Variants in KCNIP1 observed in about 807,000 individuals in gnomAD.
The protein encoded by KCNIP1 is potassium voltage-gated channel interacting protein 1, also known as A-type potassium channel modulatory protein KCNIP1.
In KCNIP1, 18 loss-of-function variants were observed where a neutral mutation model predicts 33.0. That is an observed-to-expected ratio of 0.55 (90% CI 0.38 to 0.81). The LOEUF (loss-of-function observed/expected upper bound fraction) is 0.81, where lower values mean the gene tolerates loss of function less well. Ranked by LOEUF, KCNIP1 falls within the 30% of genes least tolerant of loss-of-function variation. KCNIP1 has a pLI of 0.00. For missense variants in KCNIP1, 238 were observed against 271.6 expected (o/e 0.88, Z 0.87); for synonymous variants, 93 against 98.3 (o/e 0.95, Z 0.32).
At chr5:170,503,187 C>T (rs1757451306), upstream of KCNIP1, among the ~76,000 whole-genome samples, 1 of 151,932 alleles carries the variant, frequency 6.6e-6, no homozygotes, top group African/African-American at 2.4e-5. Flanking sequence ...GTCAGGAGTT[C>T]AAGCCCAGCC....
chr5:170,517,450 T>C (rs978503706), intron 1 of KCNIP1, among the ~76,000 whole-genome samples: 6 of 152,178 alleles, frequency 3.9e-5, no homozygotes, highest in Admixed American at 2.0e-4. Context: ...GCAGAGGTGT[T>C]GGTGACAGTA....
At chr5:170,474,550 C>T (rs58695233) in intron 1 of KCNIP1, among the ~76,000 whole-genome samples, 12,233 of 152,234 alleles carry the variant, frequency 0.08, 580 homozygotes, top group East Asian at 0.26. Context: ...TTCCATTTAT[C>T]GAGCACCTAG....
chr5:170,365,305 G>T (rs17072586), intron 1 of KCNIP1, among the ~76,000 whole-genome samples: 27,149 of 152,078 alleles, frequency 0.18, 2,712 homozygotes, highest in African/African-American at 0.27. Flanking sequence ...CCCTTTAAAG[G>T]TTCCAGTTCT....
chr5:170,625,710 C>T (rs1759795556), intron 1 of KCNIP1, among the ~76,000 whole-genome samples: 1 of 152,156 alleles, frequency 6.6e-6, no homozygotes, highest in African/African-American at 2.4e-5. Flanking sequence ...ATTCATTATC[C>T]CCAGGTTGCA....
At chr5:170,671,653 T>C (rs1020198171) in intron 1 of KCNIP1, among the ~76,000 whole-genome samples, 1 of 152,236 alleles carries the variant, frequency 6.6e-6, no homozygotes, top group Non-Finnish European at 1.5e-5. Flanking sequence ...ATTAGAATCA[T>C]TGATTTTTAA....
intron 1 of KCNIP1, among the ~76,000 whole-genome samples, chr5:170,610,210 G>A (rs1362225526): frequency 6.6e-6 from 1 of 152,214 alleles, no homozygotes; most frequent in Non-Finnish European, 1.5e-5. Flanking sequence ...AGGTGATGAT[G>A]ATACATGCTG....
chr5:170,587,956 A>C (rs1244706299), intron 1 of KCNIP1, among the ~76,000 whole-genome samples: 1 of 152,140 alleles, frequency 6.6e-6, no homozygotes, highest in Non-Finnish European at 1.5e-5. Context: ...GAGGCCATGG[A>C]TATTCATTCA....
chr5:170,683,511 C>T (rs970490735), intron 1 of KCNIP1, among the ~76,000 whole-genome samples: 7 of 152,066 alleles, frequency 4.6e-5, no homozygotes, highest in Admixed American at 2.0e-4. Flanking sequence ...ATGCTAGAGC[C>T]CTTACCATAT....
chr5:170,588,942 A>G (rs1758100429), intron 1 of KCNIP1, among the ~76,000 whole-genome samples: 1 of 150,206 alleles, frequency 6.7e-6, no homozygotes, highest in Non-Finnish European at 1.5e-5. Flanking sequence ...GGGTGTAATA[A>G]TTGTGCCTAC....
chr5:170,475,516 C>T (rs1312837268), intron 1 of KCNIP1, among the ~76,000 whole-genome samples: 1 of 152,184 alleles, frequency 6.6e-6, no homozygotes, highest in East Asian at 1.9e-4. Context: ...AGCAGCTTTT[C>T]TTAGGTTGTT....
chr5:170,371,365 T>A (rs1763838835), intron 1 of KCNIP1, among the ~76,000 whole-genome samples: 1 of 152,146 alleles, frequency 6.6e-6, no homozygotes, highest in Non-Finnish European at 1.5e-5. Context: ...AGGGAGTCAA[T>A]TGAGAGCCTG....
rs145899700 is a variant in KCNIP1, at chr5:170,392,042, G to A, written c.88+38078G>A. ...ATATGGTAGAAGGACACAGCACGATGTTCAAGGCTAAGTCATAGACGGGGG... is the reference window on the plus strand; with the variant it reads ...ATATGGTAGAAGGACACAGCACGATATTCAAGGCTAAGTCATAGACGGGGG... On this transcript the variant is annotated intron_variant, in intron 1 of 7. Transcript: ENST00000377360. Among the ~76,000 whole-genome samples, 376 of 152,300 alleles carry A rather than the reference G, an allele frequency of 2.5e-3. 1 individual carries two copies. Among genetic ancestry groups the A allele is most frequent in the Middle Eastern group, 0.01 (3 of 294 alleles).
intron 1 of KCNIP1, among the ~76,000 whole-genome samples, chr5:170,455,263 TTCC>T (rs146462090): frequency 0.079 from 12,051 of 152,146 alleles, 551 homozygotes; most frequent in Non-Finnish European, 0.094. Flanking sequence ...AACAGAAGTC[TTCC>T]TCCTCCTACT....
At chr5:170,542,700 A>G (rs1475233688) in intron 1 of KCNIP1, among the ~76,000 whole-genome samples, 1 of 152,128 alleles carries the variant, frequency 6.6e-6, no homozygotes, top group African/African-American at 2.4e-5. Context: ...TAATTTATAA[A>G]TTAGGCATGG....
intron 1 of KCNIP1, among the ~76,000 whole-genome samples, chr5:170,660,180 G>C (rs1462513929): frequency 1.3e-5 from 2 of 152,078 alleles, no homozygotes; most frequent in African/African-American, 4.8e-5. Context: ...TATAGATATA[G>C]TTATAGCCTT....
intron 5 of KCNIP1, among the ~76,000 whole-genome samples, chr5:170,730,519 G>A (rs867569324): frequency 6.6e-6 from 1 of 152,078 alleles, no homozygotes; most frequent in Non-Finnish European, 1.5e-5. Context: ...CAACAAAATT[G>A]CTCTTTCTGT....
chr5:170,598,979 G>A (rs936038351), intron 1 of KCNIP1, among the ~76,000 whole-genome samples: 1 of 151,678 alleles, frequency 6.6e-6, no homozygotes, highest in African/African-American at 2.4e-5. Context: ...GAGGAAGAGA[G>A]GGCAGAGAGC....
At chr5:170,383,162 G>A (rs1042677549) in intron 1 of KCNIP1, 2 of 188,606 alleles carry the variant, frequency 1.1e-5, no homozygotes, top group Non-Finnish European at 2.2e-5. Context: ...TGCAAGGATG[G>A]AAAAACCATC....
chr5:170,605,107 T>A (rs1208583635), intron 1 of KCNIP1, among the ~76,000 whole-genome samples: 1 of 152,194 alleles, frequency 6.6e-6, no homozygotes, highest in East Asian at 1.9e-4. Context: ...GTCACAGGCC[T>A]CATGAGATGT....
Sources: allele counts gnomAD v4.1 joint callset (sites outside exome capture counted in the v4.1 genomes callset), GRCh38; gene constraint gnomAD v4.1.1; transcripts MANE v1.5; gene names NCBI Gene and HGNC (gene_info 2026-07-23, HGNC 2026-07-21).